Variants in PCSK6 observed in about 807,000 individuals in gnomAD.
PCSK6 encodes the protein paired basic amino acid cleaving enzyme 4.
A neutral mutation model predicts 123.3 loss-of-function variants in PCSK6; 85 were observed. The observed-to-expected ratio is 0.69, with a 90% CI of 0.58 to 0.83. The LOEUF (loss-of-function observed/expected upper bound fraction) is 0.83. Among genes scored for constraint, PCSK6 ranks in the 40% least tolerant of loss-of-function variants. The probability of loss-of-function intolerance (pLI) is 0.00; values close to 1 mark genes in which losing one functional copy is unlikely to be tolerated. For synonymous variants in PCSK6, 508 were observed against 516.0 expected (o/e 0.98, Z 0.21); for missense variants, 1,191 against 1,282.3 (o/e 0.93, Z 1.09).
chr15:101,398,539 G>A lies in PCSK6; in HGVS notation c.861C>T (p.Val287=), dbSNP rs745919323. The change falls in exon 7 of 22, where the codon GTC becomes GTT. Residue 287 remains valine (V), a synonymous_variant. Transcript: ENST00000611716. The surrounding 1 kb of genome is among the most constrained non-coding windows in gnomAD (Gnocchi z 4.6). The part of the protein sequence containing the change: ...RMLDGDVTDV[V]EAKSLGIRPN... ...GTCTGATGCCCAGCGACTTTGCCTCGACCACATCTGTGACATCGCCGTCCA... is the reference window on the plus strand; with the variant it reads ...GTCTGATGCCCAGCGACTTTGCCTCAACCACATCTGTGACATCGCCGTCCA... 1.6e-5 allele frequency: 26 copies of A among 1,613,462 alleles called. No individual in the cohort carries two copies. The highest frequency in any genetic ancestry group is 3.3e-5 in the Admixed American group (2 of 59,996).
intron 1 of PCSK6, among the ~76,000 whole-genome samples, chr15:101,462,283 C>T (rs1219115178): frequency 1.3e-5 from 2 of 152,102 alleles, no homozygotes; most frequent in African/African-American, 2.4e-5. Flanking sequence ...TTTACTAATA[C>T]TTAAAGGAGA....
At chr15:101,325,292 T>C (rs2040226016) in intron 16 of PCSK6, among the ~76,000 whole-genome samples, 1 of 152,174 alleles carries the variant, frequency 6.6e-6, no homozygotes, top group Non-Finnish European at 1.5e-5. Flanking sequence ...AGGGTGCGCA[T>C]GGTTTCCCAA....
In PCSK6 at chr15:101,366,260, A is replaced by G; in HGVS notation, c.1794T>C (p.Ala598=). The change falls in exon 13 of 22, where the codon GCT becomes GCC. Residue 598 remains alanine, a synonymous_variant. Coordinates refer to ENST00000611716, the MANE Select transcript of PCSK6 (RefSeq NM_002570.5). ...GGATTTCCAAGGTCCACTGCCCTTC[A>G]GCCTTTTCTCCCCAGCAGTGGACAG... ...FMTVHCWGEK[A]EGQWTLEIQD... 1 of 1,613,862 alleles carries G rather than the reference A, an allele frequency of 6.2e-7. No individual in the cohort carries two copies. The highest frequency in any genetic ancestry group is 8.5e-7 in the Non-Finnish European group (1 of 1,179,816).
At chr15:101,425,775 G>A (rs1284108979) in intron 6 of PCSK6, among the ~76,000 whole-genome samples, 1 of 152,144 alleles carries the variant, frequency 6.6e-6, no homozygotes, top group Non-Finnish European at 1.5e-5. Flanking sequence ...GAAACGTAGG[G>A]AAAGAGTTTG....
At chr15:101,313,236 C>A (rs916840609) in intron 20 of PCSK6, 140 bp downstream of exon 20, 41 of 1,556,566 alleles carry the variant, frequency 2.6e-5, no homozygotes, top group Non-Finnish European at 3.3e-5. Flanking sequence ...CTCAGCAGCT[C>A]TGTAAATGGG....
chr15:101,486,950 T>C (rs899086599), intron 1 of PCSK6, among the ~76,000 whole-genome samples: 2 of 152,230 alleles, frequency 1.3e-5, no homozygotes, highest in Admixed American at 6.5e-5. Flanking sequence ...ATGCGTACCA[T>C]GTGAACACAA....
In PCSK6 at chr15:101,489,531, C is replaced by G. The variant is rs1253873947; in HGVS notation, c.140G>C (p.Arg47Pro). The change falls in exon 1 of 22, where the codon CGT (arginine) becomes CCT (proline). Residue 47 changes from arginine (R) to proline (P), a missense_variant. Physicochemically the swap from Arg to Pro is moderately radical, Grantham distance 103 (BLOSUM62 -2). Transcript: ENST00000611716. Reference sequence around the variant, plus strand: ...CAGCAGCAGCAGCCAGCGCCAGGGACGCGGCGCGAGCGGCCGGAACCCGGG... The same window carrying G: ...CAGCAGCAGCAGCCAGCGCCAGGGAGGCGGCGCGAGCGGCCGGAACCCGGG... ...GGPGFRPLAP[R>P]PWRWLLLLAL... The G allele has an allele frequency of 2.0e-6, 2 of 1,014,670 alleles. No individual in the cohort carries two copies. The highest frequency in any genetic ancestry group is 1.2e-4 in the Admixed American group (2 of 16,502). 62.9% of individuals were successfully genotyped at this position (1,014,670 alleles called of 1,614,324 possible).
chr15:101,368,954 C>T (rs1295140694), intron 12 of PCSK6, among the ~76,000 whole-genome samples: 1 of 152,216 alleles, frequency 6.6e-6, no homozygotes, highest in Non-Finnish European at 1.5e-5. Flanking sequence ...ACTGCTCGTG[C>T]CCGTGTGAGA....
intron 13 of PCSK6, among the ~76,000 whole-genome samples, chr15:101,341,912 T>C (rs2040616859): frequency 6.6e-6 from 1 of 152,072 alleles, no homozygotes; most frequent in Non-Finnish European, 1.5e-5. Context: ...TATGGGTCAC[T>C]TGAGGTCAGG....
chr15:101,393,942 G>A (rs2042315520), intron 7 of PCSK6, among the ~76,000 whole-genome samples: 1 of 152,162 alleles, frequency 6.6e-6, no homozygotes, highest in East Asian at 1.9e-4. Context: ...TTTGCAAAGA[G>A]GGATAGGACC....
At chr15:101,468,996 G>A (rs1374381020) in intron 1 of PCSK6, among the ~76,000 whole-genome samples, 1 of 152,148 alleles carries the variant, frequency 6.6e-6, no homozygotes, top group Non-Finnish European at 1.5e-5. Flanking sequence ...AGGTGTCGTC[G>A]AAAGTGCTGG....
intron 11 of PCSK6, 121 bp from the exon 12 acceptor site, chr15:101,370,644 C>T (rs1158228545): frequency 1.0e-5 from 9 of 869,066 alleles, no homozygotes; most frequent in Middle Eastern, 3.9e-4. Context: ...CTGCGGGCCC[C>T]GGGGAGCCGC....
chr15:101,421,955 C>T (rs1172067217), intron 6 of PCSK6, among the ~76,000 whole-genome samples: 1 of 152,118 alleles, frequency 6.6e-6, no homozygotes, highest in Admixed American at 6.5e-5. Context: ...TAATTATAAA[C>T]TCTGAAAAAA....
chr15:101,459,632 T>C (rs890362350), intron 1 of PCSK6, among the ~76,000 whole-genome samples: 5 of 142,648 alleles, frequency 3.5e-5, no homozygotes, highest in Admixed American at 2.2e-4. Context: ...CCCAGGTAAC[T>C]GACTCTGCTG....
intron 13 of PCSK6, among the ~76,000 whole-genome samples, chr15:101,350,185 C>T (rs570084323): frequency 6.6e-6 from 1 of 152,132 alleles, no homozygotes; most frequent in African/African-American, 2.4e-5. Flanking sequence ...GGATTATAGG[C>T]GTGAGACAAC....
At chr15:101,348,757 AGAGATT>A (rs1188297642) in intron 13 of PCSK6, among the ~76,000 whole-genome samples, 1 of 152,174 alleles carries the variant, frequency 6.6e-6, no homozygotes, top group Non-Finnish European at 1.5e-5. Context: ...ACAGAGACTG[AGAGATT>A]CCGTGACCAG....
At chr15:101,314,982 TG>T (rs1259335844) in intron 19 of PCSK6, among the ~76,000 whole-genome samples, 1 of 152,086 alleles carries the variant, frequency 6.6e-6, no homozygotes, top group Non-Finnish European at 1.5e-5. Context: ...CCACTCTGAG[TG>T]GGGTTTGGGA....
chr15:101,396,867 C>T (rs1322242832), intron 7 of PCSK6, among the ~76,000 whole-genome samples: 3 of 152,170 alleles, frequency 2.0e-5, no homozygotes, highest in Non-Finnish European at 4.4e-5. Context: ...CTTAATTTTC[C>T]TTCTCACATT....
intron 13 of PCSK6, among the ~76,000 whole-genome samples, chr15:101,350,410 G>A (rs556606132): frequency 2.0e-5 from 3 of 152,238 alleles, no homozygotes; most frequent in Non-Finnish European, 4.4e-5. Flanking sequence ...CTCTACAGTT[G>A]AGATATTAGA....
Sources: gnomAD v4.1 joint callset for allele counts (sites outside exome capture counted in the v4.1 genomes callset) on GRCh38, gnomAD v4.1.1 for gene constraint, Gnocchi (gnomAD v3.1) non-coding constraint, MANE v1.5 for transcripts, NCBI Gene and HGNC (gene_info 2026-07-23, HGNC 2026-07-21) for gene names.